The following TARBP1 variants were observed in gnomAD, a reference collection of about 807,000 sequenced individuals.
The protein encoded by TARBP1 is tRNA (guanosine(18)-2'-O)-methyltransferase TARBP1.
A neutral mutation model predicts 178.6 loss-of-function variants in TARBP1; 144 were observed. That is an observed-to-expected ratio of 0.81 (90% CI 0.70 to 0.93). TARBP1 has a LOEUF of 0.93. TARBP1 is among the 40% of genes least tolerant of loss of function. The pLI is 0.00. For missense variants in TARBP1, 2,067 were observed against 2,011.7 expected, an observed-to-expected ratio of 1.03 and a Z score of -0.53; for synonymous variants, 787 against 781.0, an observed-to-expected ratio of 1.01 and a Z score of -0.13.
At chr1:234,448,997 A>C (rs1418704931) in intron 10 of TARBP1, among the ~76,000 whole-genome samples, 1 of 152,202 alleles carries the variant, frequency 6.6e-6, no homozygotes, top group African/African-American at 2.4e-5. Flanking sequence ...TCCCTGAAGA[A>C]ATGACAATTG....
At chr1:234,405,198 T>C (rs1469048175) in intron 24 of TARBP1, 1 of 152,056 alleles carries the variant, frequency 6.6e-6, no homozygotes, top group African/African-American at 2.4e-5. Flanking sequence ...TGATATTGCC[T>C]GTGTCTCTAA....
At position 234,458,069 on chromosome 1, in the gene TARBP1, C is replaced by T. The variant is rs557302454; in HGVS notation, c.1633-313G>A. ...CTTTCAATCAAAATGTGAGGACAGG[C>T]GCGGTGGCTCACGCCTGTAATCCCA... is the stretch of plus-strand genomic sequence containing the variant. On this transcript the variant is annotated intron_variant, in intron 8 of 29. Coordinates refer to ENST00000040877, the MANE Select transcript of TARBP1 (RefSeq NM_005646.4). Among the ~76,000 whole-genome samples the T allele has an allele frequency of 6.6e-5, 10 of 151,428 alleles. No individual in the cohort carries two copies. The East Asian group carries it at 1.7e-3, about 26-fold the overall frequency.
At chr1:234,475,062 G>A (rs1259904156) in intron 1 of TARBP1, among the ~76,000 whole-genome samples, 1 of 152,190 alleles carries the variant, frequency 6.6e-6, no homozygotes, top group African/African-American at 2.4e-5. Context: ...ACCAAGGTGG[G>A]CTAGCCTCAC....
intron 22 of TARBP1, among the ~76,000 whole-genome samples, chr1:234,415,761 T>C (rs1662349115): frequency 6.6e-6 from 1 of 152,192 alleles, no homozygotes; most frequent in East Asian, 1.9e-4. Flanking sequence ...GTGTGTCCAG[T>C]GGGGTAATGT....
chr1:234,445,846 C>T (rs537998852), intron 12 of TARBP1, among the ~76,000 whole-genome samples: 100 of 152,148 alleles, frequency 6.6e-4, no homozygotes, highest in Middle Eastern at 6.8e-3. Context: ...ACATATCACA[C>T]ATTCTTTTGT....
chr1:234,463,456 T>A (rs12125628), intron 6 of TARBP1, among the ~76,000 whole-genome samples: 20,264 of 152,178 alleles, frequency 0.13, 1,554 homozygotes, highest in African/African-American at 0.2. Flanking sequence ...TAAGTTAATA[T>A]CTATAAAGGG....
At chr1:234,455,415 T>C (rs1032286299) in intron 9 of TARBP1, among the ~76,000 whole-genome samples, 1 of 152,120 alleles carries the variant, frequency 6.6e-6, no homozygotes, top group African/African-American at 2.4e-5. Context: ...AGTTCGGCAA[T>C]GGGGGAAATT....
At chr1:234,414,588 G>A (rs1217075555) in intron 22 of TARBP1, among the ~76,000 whole-genome samples, 1 of 152,158 alleles carries the variant, frequency 6.6e-6, no homozygotes, top group Non-Finnish European at 1.5e-5. Flanking sequence ...GCTGACCACT[G>A]ACTCGTCAGT....
At chr1:234,428,996 T>C in intron 17 of TARBP1, 140 bp downstream of exon 17, 1 of 721,000 alleles carries the variant, frequency 1.4e-6, no homozygotes, top group East Asian at 3.0e-5. Flanking sequence ...TTACTCTTGA[T>C]ATTTAAGAAG....
chr1:234,477,912 T>A (rs1229460513), intron 1 of TARBP1, among the ~76,000 whole-genome samples: 2 of 152,196 alleles, frequency 1.3e-5, no homozygotes, highest in Non-Finnish European at 2.9e-5. Flanking sequence ...GGCTCCATTA[T>A]CTTCCTAAAC....
chr1:234,478,270 G>A lies in TARBP1; in HGVS notation c.834C>T (p.Ala278=), dbSNP rs747013091. The change falls in exon 1 of 30, where the codon GCC becomes GCT. Residue 278 remains alanine, a synonymous_variant. Transcript: ENST00000040877. The stretch of plus-strand genomic sequence containing the variant: ...GGTAGCGCGCTCGCTTGCGCGTCAG[G>A]GCGTCCGCCTGGCCCAGCCCCGCCT... ...TVQAGLGQAD[A]LTRKRARYLL... 12 of 1,597,128 alleles carry A rather than the reference G, an allele frequency of 7.5e-6. No individual in the cohort carries two copies. Among genetic ancestry groups the A allele is most frequent in the South Asian group, 2.2e-5 (2 of 89,908 alleles).
chr1:234,461,878 T>C (rs1057384467), intron 6 of TARBP1, among the ~76,000 whole-genome samples: 1 of 152,242 alleles, frequency 6.6e-6, no homozygotes, highest in Non-Finnish European at 1.5e-5. Context: ...AAAATGTCTG[T>C]TTTCTCACAT....
chr1:234,407,983 C>T (rs984935819), intron 23 of TARBP1: 2 of 152,182 alleles, frequency 1.3e-5, no homozygotes, highest in Admixed American at 1.3e-4. Flanking sequence ...AAAAAACCCA[C>T]TATAATTCTC....
intron 9 of TARBP1, among the ~76,000 whole-genome samples, chr1:234,455,730 C>T (rs1269021914): frequency 6.6e-6 from 1 of 151,840 alleles, no homozygotes; most frequent in African/African-American, 2.4e-5. Context: ...ATTCATTACC[C>T]ATTCAGCAAG....
intron 20 of TARBP1, among the ~76,000 whole-genome samples, chr1:234,423,124 T>C (rs1040130499): frequency 1.3e-5 from 2 of 152,254 alleles, no homozygotes; most frequent in African/African-American, 2.4e-5. Flanking sequence ...ATTACTGCTC[T>C]AGACAAGCAT....
At chr1:234,453,566 CTATT>C (rs1443551992) in intron 9 of TARBP1, among the ~76,000 whole-genome samples, 1 of 151,912 alleles carries the variant, frequency 6.6e-6, no homozygotes, top group Non-Finnish European at 1.5e-5. Context: ...AATTAAAAAA[CTATT>C]TAGGGTGAGC....
chr1:234,393,479 G>A lies in TARBP1; in HGVS notation c.4443C>T (p.Cys1481=), dbSNP rs1269083392. The change falls in exon 28 of 30, where the codon TGC becomes TGT. Residue 1481 remains cysteine (C), a synonymous_variant. Transcript: ENST00000040877. ...IDKPTNLGGL[C]RTCEVFGASV... is the part of the protein sequence containing the mutation. ...AAGCCCCAAATACCTCACAGGTCCT[G>A]CACAGTCCTGCACAGAACACCTGGG... 6.3e-7 allele frequency: 1 copy of A among 1,584,630 alleles called. No homozygotes were observed. The highest frequency in any genetic ancestry group is 8.6e-7 in the Non-Finnish European group (1 of 1,165,272).
At chr1:234,452,536 G>C (rs1666887470) in intron 9 of TARBP1, among the ~76,000 whole-genome samples, 1 of 152,176 alleles carries the variant, frequency 6.6e-6, no homozygotes, top group Non-Finnish European at 1.5e-5. Context: ...ATAGCTACTG[G>C]AGTGGCTAAA....
chr1:234,446,952 A>G lies in TARBP1; in HGVS notation c.1985T>C (p.Val662Ala). Residue 662 changes from valine (V) to alanine (A), a missense_variant, in exon 12 of 30, where the codon GTA (valine) becomes GCA (alanine). Transcript: ENST00000040877. ...AAGAGGGTCTAAGAATATCCGCAATACATTCTCTGTTCTCTGCTTTCCGCT... is the reference window on the plus strand; with the variant it reads ...AAGAGGGTCTAAGAATATCCGCAATGCATTCTCTGTTCTCTGCTTTCCGCT... The part of the protein sequence containing the change: ...QYSGKQRTEN[V>A]LRIFLDPLLD... 1 of 1,613,640 alleles carries G rather than the reference A, an allele frequency of 6.2e-7. No homozygotes were observed. The highest frequency in any genetic ancestry group is 1.1e-5 in the South Asian group (1 of 90,992).
Sources: gnomAD v4.1 joint callset for allele counts (sites outside exome capture counted in the v4.1 genomes callset) on GRCh38, gnomAD v4.1.1 for gene constraint, MANE v1.5 for transcripts, NCBI Gene and HGNC (gene_info 2026-07-23, HGNC 2026-07-21) for gene names.